The following DCLK2 variants were observed in gnomAD, a reference collection of about 807,000 sequenced individuals.
The protein encoded by DCLK2 is serine/threonine-protein kinase DCLK2.
In DCLK2, 31 loss-of-function variants were observed where a neutral mutation model predicts 78.4. The observed-to-expected ratio is 0.40, with a 90% CI of 0.30 to 0.53. The LOEUF is 0.53. Ranked by LOEUF, DCLK2 falls within the 20% of genes least tolerant of loss-of-function variation. DCLK2 has a pLI of 0.61. For synonymous variants in DCLK2, 407 were observed against 374.9 expected, an observed-to-expected ratio of 1.09 and a Z score of -0.99; for missense variants, 872 against 973.7, an observed-to-expected ratio of 0.90 and a Z score of 1.39.
At chr4:150,180,081 A>T (rs1737397232) in intron 2 of DCLK2, among the ~76,000 whole-genome samples, 1 of 152,230 alleles carries the variant, frequency 6.6e-6, no homozygotes, top group South Asian at 2.1e-4. Flanking sequence ...TACCTCAATA[A>T]GCCCTGTTAT....
chr4:150,252,395 C>T (rs547288424), intron 15 of DCLK2, among the ~76,000 whole-genome samples: 9 of 152,364 alleles, frequency 5.9e-5, no homozygotes, highest in Non-Finnish European at 1.2e-4. Context: ...GAACCTTTAA[C>T]CGCCCTGTGC....
At chr4:150,162,553 T>G (rs1217138853) in intron 2 of DCLK2, among the ~76,000 whole-genome samples, 1 of 152,206 alleles carries the variant, frequency 6.6e-6, no homozygotes, top group East Asian at 1.9e-4. Context: ...TTTAAATTAA[T>G]TTATTGAATG....
chr4:150,168,645 A>C (rs1210495760), intron 2 of DCLK2, among the ~76,000 whole-genome samples: 1 of 152,222 alleles, frequency 6.6e-6, no homozygotes, highest in Non-Finnish European at 1.5e-5. Flanking sequence ...AACAGAACCA[A>C]GGTCTGTACT....
At chr4:150,157,575 T>A (rs1179164756) in intron 2 of DCLK2, among the ~76,000 whole-genome samples, 2 of 150,054 alleles carry the variant, frequency 1.3e-5, no homozygotes, top group Non-Finnish European at 3.0e-5. Flanking sequence ...TGCAGTGGTG[T>A]GATCTCGGCT....
At chr4:150,120,296 C>T (rs1042500888) in intron 2 of DCLK2, among the ~76,000 whole-genome samples, 1 of 152,146 alleles carries the variant, frequency 6.6e-6, no homozygotes, top group Admixed American at 6.5e-5. Context: ...TGTAAAACCC[C>T]AACTCAAAAT....
intron 2 of DCLK2, among the ~76,000 whole-genome samples, chr4:150,187,738 T>C (rs907550085): frequency 1.3e-5 from 2 of 152,098 alleles, no homozygotes; most frequent in Non-Finnish European, 2.9e-5. Context: ...TGAAGTTGTT[T>C]AACATCTTGT....
intron 5 of DCLK2, among the ~76,000 whole-genome samples, chr4:150,205,983 C>T (rs905207764): frequency 6.6e-6 from 1 of 152,188 alleles, no homozygotes; most frequent in Non-Finnish European, 1.5e-5. Context: ...GTCACTTCCC[C>T]ATTTTTTGTT....
In DCLK2 at chr4:150,220,865, C is replaced by T. The variant is rs543520728; in HGVS notation, c.1132+87C>T. 102 of 1,084,152 alleles carry T rather than the reference C, an allele frequency of 9.4e-5. No homozygotes were observed. In the African/African-American group the frequency reaches 1.1e-3, roughly 12 times the overall value. 67.2% of individuals were successfully genotyped at this position (1,084,152 alleles called of 1,614,324 possible). A position where few individuals can be genotyped will look rare whatever the true frequency, so the allele number is the denominator to read the frequency against. On this transcript the variant is annotated intron_variant, in intron 6 of 15. Transcript: ENST00000296550. ...CCTAAAACTCACTTGTGCTAAATTA[C>T]GATCTTCCTAAAGAGGGATGTGATC...
At chr4:150,195,201 TTA>T (rs1390883535) in intron 3 of DCLK2, among the ~76,000 whole-genome samples, 2 of 3,190 alleles carry the variant, frequency 6.3e-4, no homozygotes, top group African/African-American at 1.8e-3. Flanking sequence ...ATAAACAATA[TTA>T]TATATTATAT....
chr4:150,161,306 A>T (rs1263896849), intron 2 of DCLK2, among the ~76,000 whole-genome samples: 1 of 152,204 alleles, frequency 6.6e-6, no homozygotes, highest in African/African-American at 2.4e-5. Context: ...TAACCTCTAT[A>T]AATTAGAAAA....
Position 150,175,857 on chromosome 4 carries a change from C to T in DCLK2, c.757-17281C>T, listed in dbSNP as rs139224137. Among the ~76,000 whole-genome samples, 166 of 152,198 alleles carry T rather than the reference C, an allele frequency of 1.1e-3. 3 individuals are homozygous for T. The East Asian group carries it at 0.03, about 28-fold the overall frequency. On this transcript the variant is annotated intron_variant, in intron 2 of 15. Transcript: ENST00000296550. The stretch of plus-strand genomic sequence containing the variant: ...TCTTGGCATTGGAGAAGCCCTCTCT[C>T]CCCTCTCTGTACCGTGCTCCTTCCT...
At chr4:150,204,815 C>A (rs1355047119) in intron 5 of DCLK2, among the ~76,000 whole-genome samples, 2 of 151,878 alleles carry the variant, frequency 1.3e-5, no homozygotes, top group African/African-American at 4.8e-5. Flanking sequence ...TCACTTGCAC[C>A]CAGGAGGCAG....
intron 2 of DCLK2, among the ~76,000 whole-genome samples, 154 bp from the exon 3 acceptor site, chr4:150,192,984 G>C (rs374288610): frequency 6.6e-6 from 1 of 152,192 alleles, no homozygotes; most frequent in African/African-American, 2.4e-5. Context: ...AAAGTGCTTT[G>C]TGAAGGTAAA....
At chr4:150,109,404 G>T (rs535086564) in intron 2 of DCLK2, among the ~76,000 whole-genome samples, 40 of 150,864 alleles carry the variant, frequency 2.7e-4, no homozygotes, top group African/African-American at 9.2e-4. Flanking sequence ...GCATGATCTC[G>T]GCTCACTGCA....
At chr4:150,240,371 C>G (rs1394408554) in intron 11 of DCLK2, 28 bp from the exon 12 acceptor site, 1 of 1,611,092 alleles carries the variant, frequency 6.2e-7, no homozygotes, top group Non-Finnish European at 8.5e-7. Context: ...CATCAGTTCT[C>G]TCCCCCTCAC....
chr4:150,192,626 A>G (rs1738547984), intron 2 of DCLK2, among the ~76,000 whole-genome samples: 1 of 152,154 alleles, frequency 6.6e-6, no homozygotes, highest in African/African-American at 2.4e-5. Flanking sequence ...GGGGGTGACT[A>G]TTAACACATT....
In DCLK2 at chr4:150,202,178, A is replaced by G. The variant is rs114152018; in HGVS notation, c.962-1617A>G. ...AGTATTGTACAGTCTCACTTCACTG[A>G]AAACCTTTTGTGCTCTACCTTTTAA... On this transcript the variant is annotated intron_variant, in intron 4 of 15. Transcript: ENST00000296550. Among the ~76,000 whole-genome samples, 891 of 152,346 alleles carry G rather than the reference A, an allele frequency of 5.8e-3. 11 individuals carry two copies. Among genetic ancestry groups the G allele is most frequent in the Middle Eastern group, 0.01 (3 of 294 alleles).
chr4:150,113,170 A>T (rs538121325), intron 2 of DCLK2, among the ~76,000 whole-genome samples: 1 of 152,142 alleles, frequency 6.6e-6, no homozygotes, highest in Admixed American at 6.5e-5. Context: ...GGATTTTTGC[A>T]TCTGTGTTCG....
chr4:150,194,082 CTTTG>C (rs1160057024), intron 3 of DCLK2, among the ~76,000 whole-genome samples: 2 of 147,888 alleles, frequency 1.4e-5, no homozygotes, highest in Admixed American at 6.8e-5. Context: ...CGTATACTTA[CTTTG>C]TTTATATACA....
Sources: allele counts gnomAD v4.1 joint callset (sites outside exome capture counted in the v4.1 genomes callset), GRCh38; gene constraint gnomAD v4.1.1; transcripts MANE v1.5; gene names NCBI Gene and HGNC (gene_info 2026-07-23, HGNC 2026-07-21).